Variants in ACBD6 observed in about 807,000 individuals in gnomAD.
ACBD6 encodes the protein acyl-CoA-binding domain-containing protein 6.
A neutral mutation model predicts 37.2 loss-of-function variants in ACBD6; 28 were observed. The ratio of observed to expected loss-of-function variants is 0.75; its 90% CI spans 0.56 to 1.03. ACBD6 has a LOEUF of 1.03. Among genes scored for constraint, ACBD6 ranks in the 50% least tolerant of loss-of-function variants. The pLI is 0.00. For missense variants in ACBD6, 340 were observed against 337.4 expected, an observed-to-expected ratio of 1.01 and a Z score of -0.06; for synonymous variants, 113 against 126.8, an observed-to-expected ratio of 0.89 and a Z score of 0.73.
intron 1 of ACBD6, among the ~76,000 whole-genome samples, chr1:180,501,689 C>A (rs1451057206): frequency 1.3e-5 from 2 of 152,188 alleles, no homozygotes; most frequent in East Asian, 3.8e-4. Context: ...ACCGTATTTA[C>A]TTCCATGTGG....
At chr1:180,431,559 G>T (rs781366849) in intron 3 of ACBD6, among the ~76,000 whole-genome samples, 1 of 152,010 alleles carries the variant, frequency 6.6e-6, no homozygotes, top group Non-Finnish European at 1.5e-5. Flanking sequence ...ACTTACAATG[G>T]TTCGATTTAT....
At position 180,353,164 on chromosome 1, in the gene ACBD6, C is replaced by T. The variant is rs79180881; in HGVS notation, c.664-38442G>A. ...TGTCTTGTTTACTATAATTCTAATG[C>T]CTAGAAGAGGTATGGGGTACATAAA... On this transcript the variant is annotated intron_variant, in intron 6 of 7. Coordinates refer to ENST00000367595, the MANE Select transcript of ACBD6 (RefSeq NM_032360.4). 3.0e-3 allele frequency among the ~76,000 whole-genome samples: 455 copies of T among 152,202 alleles called. 1 individual carries two copies. The highest frequency in any genetic ancestry group is 0.01 in the African/African-American group (429 of 41,512).
At chr1:180,270,308 G>C (rs1391373834) in exon 14 of ACBD6, 2 of 152,322 alleles carry the variant, frequency 1.3e-5, no homozygotes, top group African/African-American at 4.8e-5. Context: ...AGAAAAGACA[G>C]AGAGGAAGTC....
chr1:180,351,207 T>C (rs937553139), intron 6 of ACBD6, among the ~76,000 whole-genome samples: 8 of 152,092 alleles, frequency 5.3e-5, no homozygotes, highest in African/African-American at 1.9e-4. Context: ...CATCTTTATG[T>C]CATTCTATAG....
chr1:180,489,076 G>C (rs1188634254), intron 3 of ACBD6, among the ~76,000 whole-genome samples: 1 of 152,080 alleles, frequency 6.6e-6, no homozygotes, highest in Non-Finnish European at 1.5e-5. Flanking sequence ...TGAGGCAGAA[G>C]AATTGTTTGA....
At chr1:180,443,365 T>C (rs1649357086) in intron 3 of ACBD6, among the ~76,000 whole-genome samples, 4 of 152,198 alleles carry the variant, frequency 2.6e-5, no homozygotes, top group South Asian at 2.1e-4. Context: ...TGCTTTCTTA[T>C]GTTTCTTTCC....
rs149238722 is a variant in ACBD6, at chr1:180,406,908, C to T, written c.573+6458G>A. On this transcript the variant is annotated intron_variant, in intron 5 of 7. Coordinates refer to ENST00000367595, the MANE Select transcript of ACBD6 (RefSeq NM_032360.4). ...TGTTACCCAACTCATAATAAGAAAA[C>T]GTCAAAAGGACAGAAAGGGTTAAAA... Among the ~76,000 whole-genome samples, 5 of 152,230 alleles carry T rather than the reference C, an allele frequency of 3.3e-5. No individual in the cohort carries two copies. The East Asian group carries it at 5.8e-4, about 18-fold the overall frequency.
At chr1:180,441,093 T>C (rs1007301905) in intron 3 of ACBD6, among the ~76,000 whole-genome samples, 2 of 152,214 alleles carry the variant, frequency 1.3e-5, no homozygotes, top group African/African-American at 4.8e-5. Flanking sequence ...AATTCTATTT[T>C]TAACTTTTTG....
chr1:180,315,079 A>ATT (rs11434802), intron 6 of ACBD6, among the ~76,000 whole-genome samples: 11 of 150,824 alleles, frequency 7.3e-5, no homozygotes, highest in East Asian at 1.9e-4. Flanking sequence ...CAGTATTAGG[A>ATT]TTTTTTTTTT....
At chr1:180,437,600 T>G (rs1649096554) in intron 3 of ACBD6, among the ~76,000 whole-genome samples, 1 of 152,116 alleles carries the variant, frequency 6.6e-6, no homozygotes, top group South Asian at 2.1e-4. Flanking sequence ...CAAGATTTTA[T>G]ATGTAAAAAA....
intron 10 of ACBD6, chr1:180,274,492 C>T (rs1648905926): frequency 1.2e-6 from 2 of 1,613,710 alleles, no homozygotes; most frequent in African/African-American, 1.3e-5. Context: ...CCACCTCTGA[C>T]ATCTCCACAG....
intron 3 of ACBD6, among the ~76,000 whole-genome samples, chr1:180,460,415 T>C (rs1000883923): frequency 6.6e-6 from 1 of 151,990 alleles, no homozygotes; most frequent in Non-Finnish European, 1.5e-5. Flanking sequence ...GGCTGCTCTA[T>C]GAAAGTGAGG....
intron 7 of ACBD6, among the ~76,000 whole-genome samples, chr1:180,295,212 T>C (rs1294990236): frequency 6.6e-6 from 1 of 152,150 alleles, no homozygotes; most frequent in Non-Finnish European, 1.5e-5. Context: ...TATGAAATCT[T>C]TCTTCTTTTC....
rs201802955 is a variant in ACBD6, at chr1:180,502,315, T to C, written c.-49A>G. ...CTGTGTCCGGTCTGTCCTCCTTGGA[T>C]TGGGTGTAAGGCCGGCTTGGAGGCC... On this transcript the variant is annotated 5_prime_UTR_variant, in exon 1 of 8. Coordinates refer to ENST00000367595, the MANE Select transcript of ACBD6 (RefSeq NM_032360.4). 16 of 1,601,716 alleles carry C rather than the reference T, an allele frequency of 1.0e-5. No individual in the cohort carries two copies. Among genetic ancestry groups the C allele is most frequent in the African/African-American group, 8.0e-5 (6 of 74,852 alleles).
chr1:180,464,746 GA>G (rs1380601805), intron 3 of ACBD6, among the ~76,000 whole-genome samples: 1 of 151,874 alleles, frequency 6.6e-6, no homozygotes, highest in Admixed American at 6.6e-5. Flanking sequence ...TAAGCAAAAA[GA>G]AAAAAGCCAG....
intron 6 of ACBD6, among the ~76,000 whole-genome samples, chr1:180,349,470 T>A (rs1652321352): frequency 6.6e-6 from 1 of 151,932 alleles, no homozygotes; most frequent in Admixed American, 6.5e-5. Context: ...TTAGCCAGGA[T>A]GGTCTCAATC....
chr1:180,478,938 G>A (rs1184422360), intron 3 of ACBD6, among the ~76,000 whole-genome samples: 1 of 152,058 alleles, frequency 6.6e-6, no homozygotes, highest in African/African-American at 2.4e-5. Flanking sequence ...GACCAGCCCA[G>A]GCAACATGCA....
chr1:180,497,606 T>C (rs1462293766), intron 1 of ACBD6, among the ~76,000 whole-genome samples: 1 of 152,242 alleles, frequency 6.6e-6, no homozygotes, highest in Non-Finnish European at 1.5e-5. Flanking sequence ...TATTAATTCA[T>C]TTAAAAATAA....
intron 3 of ACBD6, among the ~76,000 whole-genome samples, chr1:180,490,516 CT>C (rs888520127): frequency 3.3e-5 from 5 of 151,662 alleles, no homozygotes; most frequent in African/African-American, 1.2e-4. Flanking sequence ...TGGCTCACCC[CT>C]GTAATCCCAG....
Sources: allele counts gnomAD v4.1 joint callset (sites outside exome capture counted in the v4.1 genomes callset), GRCh38; gene constraint gnomAD v4.1.1; transcripts MANE v1.5; gene names NCBI Gene and HGNC (gene_info 2026-07-23, HGNC 2026-07-21).